ZFYVE28: variants seen among roughly 807,000 people sequenced by gnomAD.
ZFYVE28 encodes the protein zinc finger FYVE-type containing 28.
A neutral mutation model predicts 82.1 loss-of-function variants in ZFYVE28; 40 were observed. That is an observed-to-expected ratio of 0.49 (90% CI 0.38 to 0.63). ZFYVE28 has a LOEUF of 0.63. Among genes scored for constraint, ZFYVE28 ranks in the 30% least tolerant of loss-of-function variants. The pLI is 0.00. For missense variants in ZFYVE28, 1,321 were observed against 1,242.1 expected, an observed-to-expected ratio of 1.06 and a Z score of -0.96; for synonymous variants, 612 against 546.1, an observed-to-expected ratio of 1.12 and a Z score of -1.68.
At position 2,305,373 on chromosome 4, in the gene ZFYVE28, T is replaced by C. The variant is rs1390589540; in HGVS notation, c.967A>G (p.Lys323Glu). 1.2e-6 allele frequency: 2 copies of C among 1,612,726 alleles called. No homozygotes were observed. Among genetic ancestry groups the C allele is most frequent in the Admixed American group, 3.3e-5 (2 of 60,016 alleles). Residue 323 changes from lysine (K) to glutamate (E), a missense_variant, in exon 8 of 13, where the codon AAG (lysine) becomes GAG (glutamate). Lys to Glu is a moderately conservative substitution (Grantham distance 56). This residue lies in a region of ZFYVE28 where 978 missense variants were observed against 833.7 expected (regional missense o/e 1.17). Coordinates refer to ENST00000290974, the MANE Select transcript of ZFYVE28 (RefSeq NM_020972.3). Reference sequence around the variant, plus strand: ...AGCTCTGCATCCGGGTCTTTGGCCTTAGCTGAGAGTGGCCCCTCAGGGGGG... The same window carrying C: ...AGCTCTGCATCCGGGTCTTTGGCCTCAGCTGAGAGTGGCCCCTCAGGGGGG... Reference protein sequence around the residue: ...PLPPEGPLSAKAKDPDAELAC... With the variant: ...PLPPEGPLSAEAKDPDAELAC...
At chr4:2,297,050 G>T (rs1714684723) in intron 8 of ZFYVE28, among the ~76,000 whole-genome samples, 2 of 152,376 alleles carry the variant, frequency 1.3e-5, no homozygotes, top group Admixed American at 1.3e-4. Context: ...CAGGGAAGGG[G>T]CTGAACACCT....
chr4:2,289,081 G>C (rs1325582021), intron 8 of ZFYVE28, among the ~76,000 whole-genome samples: 1 of 152,232 alleles, frequency 6.6e-6, no homozygotes, highest in African/African-American at 2.4e-5. Flanking sequence ...CCAAGAGTTC[G>C]AGACCAGCCT....
chr4:2,335,731 G>A lies in ZFYVE28; in HGVS notation c.675C>T (p.Phe225=). Residue 225 remains phenylalanine (F), a synonymous_variant, in exon 6 of 13, where the codon TTC becomes TTT. Coordinates refer to ENST00000290974, the MANE Select transcript of ZFYVE28 (RefSeq NM_020972.3). The surrounding 1 kb of genome is among the most constrained non-coding windows in gnomAD (Gnocchi z 5.8). Reference sequence around the variant, plus strand: ...ACACGATGGCCAGCCTGGGGATGCTGAACATGAGGGCCGGCTCGTAGTCAT... The same window carrying A: ...ACACGATGGCCAGCCTGGGGATGCTAAACATGAGGGCCGGCTCGTAGTCAT... ...MIDDYEPALM[F]SIPRLAIVCG... 6.3e-7 allele frequency: 1 copy of A among 1,577,366 alleles called. No individual in the cohort carries two copies. Among genetic ancestry groups the A allele is most frequent in the South Asian group, 1.2e-5 (1 of 85,806 alleles).
intron 6 of ZFYVE28, among the ~76,000 whole-genome samples, chr4:2,333,495 C>T (rs961663168): frequency 1.1e-4 from 17 of 151,874 alleles, no homozygotes; most frequent in Non-Finnish European, 2.4e-4. Context: ...GCAGCAGACT[C>T]AGTGTGAAAG....
intron 1 of ZFYVE28, among the ~76,000 whole-genome samples, chr4:2,404,698 A>G (rs1313748807): frequency 2.6e-5 from 4 of 152,192 alleles, no homozygotes; most frequent in Admixed American, 1.3e-4. Flanking sequence ...AAGAGTGACT[A>G]CATAATAGAA....
At position 2,335,879 on chromosome 4, in the gene ZFYVE28, C is replaced by T; in HGVS notation, c.612-85G>A. The T allele has an allele frequency of 1.7e-6, 2 of 1,158,670 alleles. No individual in the cohort carries two copies. The highest frequency in any genetic ancestry group is 2.6e-5 in the South Asian group (2 of 75,748). 71.8% of individuals were successfully genotyped at this position (1,158,670 alleles called of 1,614,324 possible). On this transcript the variant is annotated intron_variant, in intron 5 of 12. Transcript: ENST00000290974. This position sits in a 1 kb window ranked among gnomAD's most constrained non-coding sequence, Gnocchi z 5.8. Reference sequence around the variant, plus strand: ...GACCCCAGCAGGGACAGGCAGTGCGCTCAATCTGTACCTGCAGCCACGCGT... The same window carrying T: ...GACCCCAGCAGGGACAGGCAGTGCGTTCAATCTGTACCTGCAGCCACGCGT...
In ZFYVE28 at chr4:2,337,464, G is replaced by A; in HGVS notation, c.554C>T (p.Pro185Leu). The change falls in exon 5 of 13, where the codon CCC (proline) becomes CTC (leucine). Residue 185 changes from proline (P) to leucine (L), a missense_variant. Physicochemically the swap from Pro to Leu is moderately conservative, Grantham distance 98 (BLOSUM62 -3). Around this residue, in one of 2 missense-constraint regions of ZFYVE28, gnomAD observed 343 missense variants for 408.4 expected, o/e 0.84. Transcript: ENST00000290974. Reference sequence around the variant, plus strand: ...CTCCTGCTGCACGTAGTACTCCCTGGGGGACTTCACAGGCACCATGGCCGA... The same window carrying A: ...CTCCTGCTGCACGTAGTACTCCCTGAGGGACTTCACAGGCACCATGGCCGA... ...YVSAMVPVKS[P>L]REYYVQQEVI... is the part of the protein sequence containing the mutation. 2.5e-6 allele frequency: 4 copies of A among 1,610,152 alleles called. No individual in the cohort carries two copies. The highest frequency in any genetic ancestry group is 1.1e-5 in the South Asian group (1 of 90,162).
chr4:2,357,060 CT>C (rs1250189368), intron 1 of ZFYVE28, among the ~76,000 whole-genome samples: 1 of 152,108 alleles, frequency 6.6e-6, no homozygotes, highest in East Asian at 1.9e-4. Flanking sequence ...CCACATCCAG[CT>C]AATTTTTGTA....
At chr4:2,374,561 C>G (rs1475697361) in intron 1 of ZFYVE28, among the ~76,000 whole-genome samples, 3 of 152,124 alleles carry the variant, frequency 2.0e-5, no homozygotes, top group Admixed American at 1.3e-4. Flanking sequence ...CTGCAGTGAG[C>G]TGAGACTGCG....
chr4:2,302,292 C>G (rs1047878534), intron 8 of ZFYVE28, among the ~76,000 whole-genome samples: 3 of 152,196 alleles, frequency 2.0e-5, no homozygotes, highest in African/African-American at 7.2e-5. Flanking sequence ...CTGGGTCTAT[C>G]TTATTTATAG....
chr4:2,405,034 A>C (rs181789981), intron 1 of ZFYVE28, among the ~76,000 whole-genome samples: 54 of 152,214 alleles, frequency 3.5e-4, no homozygotes, highest in Non-Finnish European at 6.6e-4. Context: ...GCCCAGCCAC[A>C]CTTCAATCTC....
chr4:2,299,947 C>T (rs550708737), intron 8 of ZFYVE28, among the ~76,000 whole-genome samples: 1 of 152,190 alleles, frequency 6.6e-6, no homozygotes, highest in African/African-American at 2.4e-5. Flanking sequence ...CAGGCCCACG[C>T]CACTGCACCT....
chr4:2,346,089 G>A (rs1247278938), intron 2 of ZFYVE28, among the ~76,000 whole-genome samples: 1 of 151,912 alleles, frequency 6.6e-6, no homozygotes, highest in Non-Finnish European at 1.5e-5. Flanking sequence ...AGCACTTTGG[G>A]AGGCCAGGGC....
chr4:2,316,989 C>CTTTT (rs35604630), intron 7 of ZFYVE28, among the ~76,000 whole-genome samples: 2 of 125,782 alleles, frequency 1.6e-5, no homozygotes, highest in Admixed American at 8.1e-5. Context: ...GTTTCTTTAA[C>CTTTT]TTTTTTTTTT....
In ZFYVE28 at chr4:2,291,999, C is replaced by G. The variant is rs575697631; in HGVS notation, c.2051+12290G>C. On this transcript the variant is annotated intron_variant, in intron 8 of 12. Transcript: ENST00000290974. ...CAGCACGTCCTCCCAGGCCTTGCTG[C>G]CTTCCAGCCCTCAGTGCCACCTCCT... 2.0e-5 allele frequency among the ~76,000 whole-genome samples: 3 copies of G among 152,310 alleles called. No individual in the cohort carries two copies. In the East Asian group the frequency reaches 5.8e-4, roughly 29 times the overall value.
chr4:2,406,909 T>A (rs1478747960), intron 1 of ZFYVE28, among the ~76,000 whole-genome samples: 2 of 152,176 alleles, frequency 1.3e-5, no homozygotes, highest in Non-Finnish European at 2.9e-5. Flanking sequence ...GGGACTGTTA[T>A]CCTAGTGCCT....
At chr4:2,307,616 G>T (rs914977875) in intron 7 of ZFYVE28, among the ~76,000 whole-genome samples, 1 of 151,904 alleles carries the variant, frequency 6.6e-6, no homozygotes, top group Non-Finnish European at 1.5e-5. Context: ...CTGAGCAGCT[G>T]GTACTACAGG....
intron 8 of ZFYVE28, among the ~76,000 whole-genome samples, chr4:2,296,008 G>A (rs1714510668): frequency 6.6e-6 from 1 of 152,170 alleles, no homozygotes. Context: ...GAGAAGCTGT[G>A]GTCACCAGGG....
chr4:2,271,914 C>T (rs1224402100), intron 10 of ZFYVE28, 135 bp from the exon 11 acceptor site: 1 of 752,666 alleles, frequency 1.3e-6, no homozygotes, highest in African/African-American at 1.7e-5. Context: ...AGTCTCATGG[C>T]AGGTGGCACC....
Sources: gnomAD v4.1 joint callset for allele counts (sites outside exome capture counted in the v4.1 genomes callset) on GRCh38, gnomAD v4.1.1 for gene constraint, gnomAD v4.1.1 regional missense constraint, Gnocchi (gnomAD v3.1) non-coding constraint, MANE v1.5 for transcripts, NCBI Gene and HGNC (gene_info 2026-07-23, HGNC 2026-07-21) for gene names.